BEGAIN: variants seen among roughly 807,000 people sequenced by gnomAD.
BEGAIN encodes the protein brain enriched guanylate kinase associated, also known as brain-enriched guanylate kinase-associated protein.
A neutral mutation model predicts 35.8 loss-of-function variants in BEGAIN; 19 were observed. That is an observed-to-expected ratio of 0.53 (90% CI 0.37 to 0.78). The LOEUF (loss-of-function observed/expected upper bound fraction) is 0.78. BEGAIN is among the 30% of genes least tolerant of loss of function. The pLI, the probability that BEGAIN is intolerant of heterozygous loss-of-function variation, is 0.00. For missense variants in BEGAIN, 795 were observed against 853.6 expected (o/e 0.93, Z 0.85); for synonymous variants, 462 against 388.6 (o/e 1.19, Z -2.22).
rs1483099207 is a variant in BEGAIN, at chr14:100,540,184, ACT to A, written c.492+310_492+311del. 46 of 381,686 alleles carry A rather than the reference ACT, an allele frequency of 1.2e-4. No homozygotes were observed. In the South Asian group the frequency reaches 2.2e-3, roughly 18 times the overall value. The allele number at this position is 381,686 out of a possible 1,614,324, so 23.6% of individuals were successfully genotyped here. On this transcript the variant is annotated intron_variant, in intron 6 of 6. Coordinates refer to ENST00000554140, the MANE Select transcript of BEGAIN (RefSeq NM_001385089.1). ...GCTCCTGCGAAGCTCCACAAAGGTCACTCTGCCGTGTCAGCGCTCAGTGGAAG... is the reference window on the plus strand; with the variant it reads ...GCTCCTGCGAAGCTCCACAAAGGTCACTGCCGTGTCAGCGCTCAGTGGAAG...
chr14:100,582,182 G>A (rs535262488), intron 1 of BEGAIN, among the ~76,000 whole-genome samples: 3 of 152,148 alleles, frequency 2.0e-5, no homozygotes, highest in Non-Finnish European at 4.4e-5. Flanking sequence ...GTCTCGCTCT[G>A]CTGCCAGGCT....
chr14:100,537,994 T>C lies in BEGAIN; in HGVS notation c.1814A>G (p.Gln605Arg). 6.2e-7 allele frequency: 1 copy of C among 1,609,504 alleles called. No homozygotes were observed. Among genetic ancestry groups the C allele is most frequent in the Non-Finnish European group, 8.5e-7 (1 of 1,178,854 alleles). ...TCAGTTGAGCAAGGTTCCGTAGAGC[T>C]GGGCCTTGGTGAGGCTGTCCTTGCG... is the stretch of plus-strand genomic sequence containing the variant. ...LSRKDSLTKA[Q>R]LYGTLLN is the part of the protein sequence containing the mutation. Residue 605 changes from glutamine to arginine, a missense_variant, in exon 7 of 7, where the codon CAG (glutamine) becomes CGG (arginine). Gln to Arg is a conservative substitution (Grantham distance 43). Coordinates refer to ENST00000554140, the MANE Select transcript of BEGAIN (RefSeq NM_001385089.1).
chr14:100,558,205 T>C lies in BEGAIN; in HGVS notation c.71+9706A>G, dbSNP rs57507451. On this transcript the variant is annotated intron_variant, in intron 2 of 6. Transcript: ENST00000554140. The surrounding 1 kb of genome is among the most constrained non-coding windows in gnomAD (Gnocchi z 4.6). ...CCCTGATCAATGAAAGTGTCTGACC[T>C]TTCTGCCTCTGCCTCCTTACTCCTA... 0.021 allele frequency among the ~76,000 whole-genome samples: 3,171 copies of C among 152,276 alleles called. 137 individuals are homozygous for C. Among genetic ancestry groups the C allele is most frequent in the African/African-American group, 0.069 (2,857 of 41,534 alleles).
intron 2 of BEGAIN, among the ~76,000 whole-genome samples, chr14:100,560,814 G>A (rs1003667331): frequency 6.6e-5 from 10 of 152,160 alleles, no homozygotes; most frequent in Non-Finnish European, 1.2e-4. Context: ...CCTGCTTCCC[G>A]TCTCACGTCC....
intron 2 of BEGAIN, among the ~76,000 whole-genome samples, chr14:100,553,614 G>T (rs758425590): frequency 6.6e-6 from 1 of 151,894 alleles, no homozygotes; most frequent in African/African-American, 2.4e-5. Context: ...ACATGTCCTC[G>T]TCTCCCTTCT....
intron 2 of BEGAIN, among the ~76,000 whole-genome samples, chr14:100,556,358 C>T (rs2033723021): frequency 6.6e-6 from 1 of 152,204 alleles, no homozygotes; most frequent in African/African-American, 2.4e-5. Context: ...CCTCTTTCTG[C>T]AGAACCACGT....
chr14:100,551,311 C>T (rs1204053960), intron 2 of BEGAIN, among the ~76,000 whole-genome samples: 1 of 152,156 alleles, frequency 6.6e-6, no homozygotes, highest in African/African-American at 2.4e-5. Context: ...CTCCTGGGTT[C>T]TCTCTGGGGA....
Position 100,568,382 on chromosome 14 carries a change from C to T in BEGAIN, c.43-443G>A. 8.3e-7 allele frequency: 1 copy of T among 1,211,954 alleles called. No individual in the cohort carries two copies. The highest frequency in any genetic ancestry group is 1.1e-6 in the Non-Finnish European group (1 of 931,128). The allele number at this position is 1,211,954 out of a possible 1,614,324, so 75.1% of individuals were successfully genotyped here. On this transcript the variant is annotated intron_variant, in intron 1 of 6. Coordinates refer to ENST00000554140, the MANE Select transcript of BEGAIN (RefSeq NM_001385089.1). This position sits in a 1 kb window ranked among gnomAD's most constrained non-coding sequence, Gnocchi z 7.5. ...GAAGCCGAACCCCGGAATCGCAGAA[C>T]CTCCGAGTCGGAGAATGTTGGGGAA...
rs1475120756 is a variant in BEGAIN, at chr14:100,583,265, C to T, written c.42+3984G>A. On this transcript the variant is annotated intron_variant, in intron 1 of 6. Transcript: ENST00000554140. ...CTTCTCAGGCCTCTATCCACACATC[C>T]GTCAATATACACTCATCACCTATCC... Among the ~76,000 whole-genome samples, 8 of 152,190 alleles carry T rather than the reference C, an allele frequency of 5.3e-5. No homozygotes were observed. In the South Asian group the frequency reaches 1.2e-3, roughly 24 times the overall value.
rs2031043795 is a variant in BEGAIN, at chr14:100,538,772, G to C, written c.1036C>G (p.Leu346Val). 1.3e-6 allele frequency: 2 copies of C among 1,589,650 alleles called. No homozygotes were observed. Among genetic ancestry groups the C allele is most frequent in the African/African-American group, 2.7e-5 (2 of 74,650 alleles). ...TLTASQQAIY[L>V]NSRDELFDRK... is the part of the protein sequence containing the mutation. The stretch of plus-strand genomic sequence containing the variant: ...TCGAAGAGCTCGTCGCGGCTGTTCA[G>C]GTAGATGGCCTGCTGCGACGCGGTC... Residue 346 changes from leucine to valine, a missense_variant, in exon 7 of 7, where the codon CTG becomes GTG. Around this residue, in one of 3 missense-constraint regions of BEGAIN, gnomAD observed 664 missense variants for 647.7 expected, o/e 1.03. Coordinates refer to ENST00000554140, the MANE Select transcript of BEGAIN (RefSeq NM_001385089.1).
intron 5 of BEGAIN, among the ~76,000 whole-genome samples, chr14:100,543,171 A>G (rs2031885034): frequency 6.6e-6 from 1 of 152,184 alleles, no homozygotes; most frequent in African/African-American, 2.4e-5. Context: ...TGAAATCTGC[A>G]GGCCCTGCAG....
chr14:100,537,845 G>C lies in BEGAIN; in HGVS notation c.*124C>G, dbSNP rs2030783567. 7.2e-7 allele frequency: 1 copy of C among 1,384,414 alleles called. No individual in the cohort carries two copies. Among genetic ancestry groups the C allele is most frequent in the South Asian group, 1.5e-5 (1 of 67,936 alleles). 85.8% of individuals were successfully genotyped at this position (1,384,414 alleles called of 1,614,324 possible). ...TGGGGAGGAGAGGAGGTGCGGGGAG[G>C]AACAGACTCCTCGTTGTTGGCCGGG... On this transcript the variant is annotated 3_prime_UTR_variant, in exon 7 of 7. Coordinates refer to ENST00000554140, the MANE Select transcript of BEGAIN (RefSeq NM_001385089.1).
At chr14:100,554,484 C>T (rs2033512722) in intron 2 of BEGAIN, among the ~76,000 whole-genome samples, 1 of 152,140 alleles carries the variant, frequency 6.6e-6, no homozygotes, top group Non-Finnish European at 1.5e-5. Context: ...CAGCCAGGCT[C>T]TCATCTCTGT....
intron 2 of BEGAIN, among the ~76,000 whole-genome samples, chr14:100,554,710 C>T (rs1232341133): frequency 6.6e-6 from 1 of 152,094 alleles, no homozygotes; most frequent in Non-Finnish European, 1.5e-5. Flanking sequence ...CTCACCCTGG[C>T]CCCCAAAACT....
At position 100,567,810 on chromosome 14, in the gene BEGAIN, G is replaced by A. The variant is rs985254325; in HGVS notation, c.71+101C>T. 3 of 1,263,350 alleles carry A rather than the reference G, an allele frequency of 2.4e-6. No homozygotes were observed. Among genetic ancestry groups the A allele is most frequent in the Admixed American group, 6.1e-5 (2 of 32,842 alleles). The allele number at this position is 1,263,350 out of a possible 1,614,324, so 78.3% of individuals were successfully genotyped here. A position where few individuals can be genotyped will look rare whatever the true frequency, so the allele number is the denominator to read the frequency against. Reference sequence around the variant, plus strand: ...CCCGCCGAGGCCGCCCGCGGGCCCTGGGGGATGCGCTCGGGTGGAGCCCCC... The same window carrying A: ...CCCGCCGAGGCCGCCCGCGGGCCCTAGGGGATGCGCTCGGGTGGAGCCCCC... On this transcript the variant is annotated intron_variant, in intron 2 of 6. Coordinates refer to ENST00000554140, the MANE Select transcript of BEGAIN (RefSeq NM_001385089.1). This position sits in a 1 kb window ranked among gnomAD's most constrained non-coding sequence, Gnocchi z 5.1.
chr14:100,562,025 G>A (rs1292366873), intron 2 of BEGAIN, among the ~76,000 whole-genome samples: 1 of 152,154 alleles, frequency 6.6e-6, no homozygotes, highest in African/African-American at 2.4e-5. Flanking sequence ...TCAAAGTGAG[G>A]CAGTCATTCA....
Position 100,538,682 on chromosome 14 carries a change from C to G in BEGAIN, c.1126G>C (p.Ala376Pro), listed in dbSNP as rs1360580592. 1 of 1,552,832 alleles carries G rather than the reference C, an allele frequency of 6.4e-7. No homozygotes were observed. Among genetic ancestry groups the G allele is most frequent in the African/African-American group, 1.4e-5 (1 of 73,390 alleles). The stretch of plus-strand genomic sequence containing the variant: ...GCCACTTCGGCCTCCAGCGGGGCCG[C>G]CACCGCGGCCGTGGCCTTGGCAAAG... ...PRFAKATAAV[A>P]APLEAEVAPG... Residue 376 changes from alanine to proline, a missense_variant, in exon 7 of 7, where the codon GCG becomes CCG. This residue lies in a region of BEGAIN where 664 missense variants were observed against 647.7 expected (regional missense o/e 1.03). Coordinates refer to ENST00000554140, the MANE Select transcript of BEGAIN (RefSeq NM_001385089.1).
Position 100,568,161 on chromosome 14 carries a change from G to T in BEGAIN, c.43-222C>A. The T allele has an allele frequency of 2.2e-6, 2 of 913,120 alleles. No homozygotes were observed. The highest frequency in any genetic ancestry group is 2.6e-6 in the Non-Finnish European group (2 of 760,666). The allele number at this position is 913,120 out of a possible 1,614,324, so 56.6% of individuals were successfully genotyped here. On this transcript the variant is annotated intron_variant, in intron 1 of 6. Coordinates refer to ENST00000554140, the MANE Select transcript of BEGAIN (RefSeq NM_001385089.1). This position sits in a 1 kb window ranked among gnomAD's most constrained non-coding sequence, Gnocchi z 7.5. The stretch of plus-strand genomic sequence containing the variant: ...AGTAACAGGTGAGCCCGCCCGGGCC[G>T]CCGCGCTCCCCGCACCGAGTTACGC...
chr14:100,568,666 CCG>C lies in BEGAIN; in HGVS notation c.43-729_43-728del. 5.9e-6 allele frequency: 3 copies of C among 510,914 alleles called. No individual in the cohort carries two copies. The highest frequency in any genetic ancestry group is 7.6e-6 in the Non-Finnish European group (3 of 396,822). 31.6% of individuals were successfully genotyped at this position (510,914 alleles called of 1,614,324 possible). On this transcript the variant is annotated intron_variant, in intron 1 of 6. Transcript: ENST00000554140. This position sits in a 1 kb window ranked among gnomAD's most constrained non-coding sequence, Gnocchi z 7.5. ...AGCCCCGCTCAGCCGGGCAGCCCCT[CCG>C]CGCGCCGGGCAGGGGGACCCACCCG...
Sources: gnomAD v4.1 joint callset for allele counts (sites outside exome capture counted in the v4.1 genomes callset) on GRCh38, gnomAD v4.1.1 for gene constraint, gnomAD v4.1.1 regional missense constraint, Gnocchi (gnomAD v3.1) non-coding constraint, MANE v1.5 for transcripts, NCBI Gene and HGNC (gene_info 2026-07-23, HGNC 2026-07-21) for gene names.